The following ATG10 variants were observed in gnomAD, a reference collection of about 807,000 sequenced individuals.
ATG10 encodes the protein ubiquitin-like-conjugating enzyme ATG10.
Under a neutral mutation model 32.1 loss-of-function variants are expected in ATG10, and 30 were observed. The observed-to-expected ratio is 0.94, with a 90% confidence interval of 0.70 to 1.27. The LOEUF (loss-of-function observed/expected upper bound fraction) is 1.27, where lower values mean the gene tolerates loss of function less well. Among genes scored for constraint, ATG10 ranks in the 50% most tolerant of loss-of-function variants. The pLI is 0.00. For synonymous variants in ATG10, 87 were observed against 91.5 expected, an observed-to-expected ratio of 0.95 and a Z score of 0.28; for missense variants, 233 against 262.3, an observed-to-expected ratio of 0.89 and a Z score of 0.77.
chr5:82,135,588 C>T (rs1766701396), intron 3 of ATG10, among the ~76,000 whole-genome samples: 1 of 151,808 alleles, frequency 6.6e-6, no homozygotes, highest in South Asian at 2.1e-4. Context: ...ATCTGAGAGA[C>T]TGTTATGATT....
At chr5:82,116,333 G>T (rs914144435) in intron 3 of ATG10, among the ~76,000 whole-genome samples, 5 of 151,964 alleles carry the variant, frequency 3.3e-5, no homozygotes, top group Admixed American at 2.6e-4. Context: ...GATTATTCAA[G>T]TAATATAACT....
chr5:81,989,177 A>C (rs1761380581), intron 2 of ATG10, among the ~76,000 whole-genome samples: 2 of 152,368 alleles, frequency 1.3e-5, no homozygotes, highest in South Asian at 4.1e-4. Context: ...CTTAGAGAAT[A>C]GGTAAATTTT....
chr5:82,130,479 C>T lies in ATG10; in HGVS notation c.217-33920C>T, dbSNP rs998281138. Among the ~76,000 whole-genome samples the T allele has an allele frequency of 1.4e-4, 21 of 152,076 alleles. 1 individual carries two copies. The highest frequency in any genetic ancestry group is 7.7e-4 in the East Asian group (4 of 5,170). ...AAACCCAGGGCTCTGGTGGTGTAGG[C>T]GCCCAAAGGAATCTCCTGGTCTGTG... On this transcript the variant is annotated intron_variant, in intron 3 of 7. Transcript: ENST00000282185.
intron 5 of ATG10, among the ~76,000 whole-genome samples, chr5:82,230,732 CAAAAAAAA>C (rs397881697): frequency 1.7e-5 from 1 of 58,804 alleles, no homozygotes; most frequent in African/African-American, 6.3e-5. Context: ...GACTCCGTCT[CAAAAAAAA>C]AAAAAAAAAA....
At chr5:82,121,085 C>T (rs1394814951) in intron 3 of ATG10, among the ~76,000 whole-genome samples, 2 of 152,054 alleles carry the variant, frequency 1.3e-5, no homozygotes, top group Non-Finnish European at 2.9e-5. Flanking sequence ...GAAGAACCTA[C>T]GGTCTTTTTT....
intron 3 of ATG10, among the ~76,000 whole-genome samples, chr5:82,117,307 G>A (rs1192120289): frequency 6.6e-6 from 1 of 152,078 alleles, no homozygotes; most frequent in East Asian, 1.9e-4. Flanking sequence ...TCACTGAGAA[G>A]AACCTTGAAA....
At chr5:82,194,967 A>G (rs940186242) in intron 5 of ATG10, among the ~76,000 whole-genome samples, 1 of 152,188 alleles carries the variant, frequency 6.6e-6, no homozygotes, top group African/African-American at 2.4e-5. Flanking sequence ...AAGATGGCCA[A>G]ACTGCACATG....
At chr5:81,984,970 C>T (rs1761211395) in intron 1 of ATG10, among the ~76,000 whole-genome samples, 1 of 152,168 alleles carries the variant, frequency 6.6e-6, no homozygotes, top group South Asian at 2.1e-4. Context: ...ATGTAGCATC[C>T]TTCAGCAAAG....
At chr5:82,223,485 TAG>T (rs1291247862) in intron 5 of ATG10, among the ~76,000 whole-genome samples, 4 of 152,200 alleles carry the variant, frequency 2.6e-5, no homozygotes, top group Non-Finnish European at 4.4e-5. Context: ...CCTTGAAAGT[TAG>T]AGATAAGTTT....
chr5:82,004,046 T>C (rs1393893371), intron 2 of ATG10, among the ~76,000 whole-genome samples: 2 of 151,940 alleles, frequency 1.3e-5, no homozygotes, highest in African/African-American at 4.8e-5. Context: ...GACAGGAGAA[T>C]CACTTGAAGC....
chr5:82,115,306 A>G (rs1449196603), intron 3 of ATG10, among the ~76,000 whole-genome samples: 1 of 152,086 alleles, frequency 6.6e-6, no homozygotes, highest in African/African-American at 2.4e-5. Flanking sequence ...ATATTATTAA[A>G]GTACAACAGT....
At chr5:82,011,032 G>A (rs763968392) in intron 2 of ATG10, among the ~76,000 whole-genome samples, 13 of 152,244 alleles carry the variant, frequency 8.5e-5, no homozygotes, top group Admixed American at 4.6e-4. Context: ...GGACCACTGC[G>A]TTCCCATATT....
At chr5:82,125,241 G>A (rs1766218057) in intron 3 of ATG10, among the ~76,000 whole-genome samples, 1 of 152,124 alleles carries the variant, frequency 6.6e-6, no homozygotes, top group African/African-American at 2.4e-5. Context: ...TAGGTTGCCT[G>A]TTCACTCTGA....
chr5:82,194,310 TA>T (rs2149951082), intron 5 of ATG10, among the ~76,000 whole-genome samples: 1 of 152,292 alleles, frequency 6.6e-6, no homozygotes, highest in Admixed American at 6.5e-5. Context: ...TAAGAGGTCT[TA>T]TTTGCAGAAA....
chr5:82,111,912 T>C (rs1239340428), intron 3 of ATG10, among the ~76,000 whole-genome samples: 2 of 152,038 alleles, frequency 1.3e-5, no homozygotes, highest in Admixed American at 1.3e-4. Context: ...ATATCTGTTT[T>C]GTTCATGGTG....
At chr5:82,243,551 G>A (rs1746888500) in intron 5 of ATG10, among the ~76,000 whole-genome samples, 1 of 151,834 alleles carries the variant, frequency 6.6e-6, no homozygotes, top group African/African-American at 2.4e-5. Flanking sequence ...TCCTTTTTTG[G>A]CAGAAAGCAT....
At chr5:82,169,117 A>G (rs200555537) in intron 4 of ATG10, among the ~76,000 whole-genome samples, 2 of 152,168 alleles carry the variant, frequency 1.3e-5, no homozygotes, top group South Asian at 2.1e-4. Context: ...GGGCTAACTT[A>G]GGATGACTTA....
chr5:82,053,448 T>G (rs1002542109), intron 2 of ATG10, among the ~76,000 whole-genome samples: 8 of 95,766 alleles, frequency 8.4e-5, no homozygotes, highest in Non-Finnish European at 1.2e-4. Context: ...ATATGTCTTT[T>G]GACTTTATGG....
intron 3 of ATG10, among the ~76,000 whole-genome samples, chr5:82,079,850 G>A (rs1413874583): frequency 1.3e-5 from 2 of 152,146 alleles, no homozygotes; most frequent in African/African-American, 4.8e-5. Flanking sequence ...CTTTATAGCA[G>A]CATGATTTAT....
Sources: gnomAD v4.1 joint callset for allele counts (sites outside exome capture counted in the v4.1 genomes callset) on GRCh38, gnomAD v4.1.1 for gene constraint, MANE v1.5 for transcripts, NCBI Gene and HGNC (gene_info 2026-07-23, HGNC 2026-07-21) for gene names.